Variants in CREB3L2 observed in about 807,000 individuals in gnomAD.
CREB3L2 encodes cAMP responsive element binding protein 3 like 2.
A neutral mutation model predicts 57.2 loss-of-function variants in CREB3L2; 23 were observed. That is an observed-to-expected ratio of 0.40 (90% CI 0.29 to 0.57). CREB3L2 has a LOEUF of 0.57. CREB3L2 is among the 20% of genes least tolerant of loss of function. The probability of loss-of-function intolerance (pLI) is 0.42; values close to 1 mark genes in which losing one functional copy is unlikely to be tolerated. For synonymous variants in CREB3L2, 268 were observed against 265.1 expected (o/e 1.01, Z -0.11); for missense variants, 628 against 634.7 (o/e 0.99, Z 0.11).
rs189747703 is a variant in CREB3L2, at chr7:137,937,085, T to C, written c.103-8719A>G. Reference sequence around the variant, plus strand: ...TCCCCAAGCATTCAATTCCCAGCCCTGCCCTCTGGGAAACAGGGAAGCTTT... The same window carrying C: ...TCCCCAAGCATTCAATTCCCAGCCCCGCCCTCTGGGAAACAGGGAAGCTTT... On this transcript the variant is annotated intron_variant, in intron 1 of 11. Transcript: ENST00000330387. 8.9e-4 allele frequency among the ~76,000 whole-genome samples: 135 copies of C among 152,252 alleles called. 1 individual carries two copies. In the East Asian group the frequency reaches 0.023, roughly 26 times the overall value.
intron 1 of CREB3L2, among the ~76,000 whole-genome samples, chr7:137,973,186 A>G (rs539396154): frequency 6.6e-6 from 1 of 152,222 alleles, no homozygotes; most frequent in South Asian, 2.1e-4. Flanking sequence ...AAAAAAAAAA[A>G]AAAAGAAATA....
intron 1 of CREB3L2, among the ~76,000 whole-genome samples, chr7:137,950,189 C>T (rs956773228): frequency 3.9e-5 from 6 of 152,228 alleles, no homozygotes; most frequent in African/African-American, 7.2e-5. Context: ...TCTTGATCTT[C>T]GATGGTGAAA....
intron 1 of CREB3L2, among the ~76,000 whole-genome samples, chr7:137,969,461 C>G (rs1801466422): frequency 1.3e-5 from 2 of 151,118 alleles, no homozygotes; most frequent in South Asian, 4.2e-4. Flanking sequence ...ATTCTCCTGC[C>G]TCAGCCTCCC....
intron 1 of CREB3L2, among the ~76,000 whole-genome samples, chr7:137,979,454 C>A (rs962048940): frequency 6.6e-6 from 1 of 152,238 alleles, no homozygotes; most frequent in South Asian, 2.1e-4. Flanking sequence ...CGGCCGGGCG[C>A]GGTGGCTCAC....
intron 1 of CREB3L2, among the ~76,000 whole-genome samples, chr7:137,931,185 T>C (rs1258002208): frequency 6.6e-6 from 1 of 151,334 alleles, no homozygotes; most frequent in Non-Finnish European, 1.5e-5. Context: ...TGAACCATGA[T>C]TGTACCATTG....
At chr7:137,937,516 G>A (rs77687777) in intron 1 of CREB3L2, among the ~76,000 whole-genome samples, 5,227 of 152,162 alleles carry the variant, frequency 0.034, 272 homozygotes, top group African/African-American at 0.12. Flanking sequence ...AGGGCCAGAT[G>A]CCAACCATGA....
chr7:137,901,487 G>A (rs140752946), intron 7 of CREB3L2, 65 bp from the exon 8 acceptor site: 174 of 994,282 alleles, frequency 1.8e-4, no homozygotes, highest in Non-Finnish European at 2.6e-4. Flanking sequence ...AGGAGCTAGG[G>A]TGGAGGTAGG....
rs116422417 is a variant in CREB3L2, at chr7:137,972,296, G to A, written c.102+29308C>T. Among the ~76,000 whole-genome samples the A allele has an allele frequency of 6.8e-3, 1,035 of 152,000 alleles. 15 individuals carry two copies. Among genetic ancestry groups the A allele is most frequent in the African/African-American group, 0.024 (987 of 41,454 alleles). ...TCTACTAAAAATACAAAAATTAGCC[G>A]GGAGTAGGGTGCACACCTATAATCC... On this transcript the variant is annotated intron_variant, in intron 1 of 11. Transcript: ENST00000330387.
At chr7:137,985,926 T>C (rs1801785353) in intron 1 of CREB3L2, among the ~76,000 whole-genome samples, 1 of 152,230 alleles carries the variant, frequency 6.6e-6, no homozygotes, top group Non-Finnish European at 1.5e-5. Flanking sequence ...TCAGAGGTCT[T>C]ATTCTATTTA....
chr7:137,898,739 CA>C (rs1271507712), intron 8 of CREB3L2, among the ~76,000 whole-genome samples: 1 of 41,556 alleles, frequency 2.4e-5, no homozygotes, highest in African/African-American at 1.0e-4. Context: ...AAGGACATTA[CA>C]GGTAAACTAA....
At chr7:137,983,190 GC>G (rs371356221) in intron 1 of CREB3L2, among the ~76,000 whole-genome samples, 74 of 152,192 alleles carry the variant, frequency 4.9e-4, no homozygotes, top group Non-Finnish European at 6.9e-4. Context: ...CCTTATTTCT[GC>G]CCCCTCCACC....
chr7:137,976,914 C>T (rs1018712758), intron 1 of CREB3L2, among the ~76,000 whole-genome samples: 16 of 152,360 alleles, frequency 1.1e-4, no homozygotes, highest in African/African-American at 2.9e-4. Context: ...GCTACGCAGA[C>T]GGCAGCCTGC....
intron 1 of CREB3L2, among the ~76,000 whole-genome samples, chr7:137,978,159 C>A (rs552333421): frequency 2.0e-5 from 3 of 152,128 alleles, no homozygotes; most frequent in African/African-American, 4.8e-5. Flanking sequence ...AAATCAGAGA[C>A]CATGGAGCAC....
intron 8 of CREB3L2, among the ~76,000 whole-genome samples, chr7:137,896,639 T>C (rs1799633424): frequency 6.6e-6 from 1 of 152,138 alleles, no homozygotes; most frequent in African/African-American, 2.4e-5. Flanking sequence ...GCTACAATTA[T>C]CTGTGGGAAG....
intron 1 of CREB3L2, among the ~76,000 whole-genome samples, chr7:137,963,982 C>G (rs1008611882): frequency 6.6e-6 from 1 of 152,144 alleles, no homozygotes; most frequent in Non-Finnish European, 1.5e-5. Flanking sequence ...AAATAAATTC[C>G]TAGAAGATCC....
intron 2 of CREB3L2, among the ~76,000 whole-genome samples, chr7:137,920,830 T>C (rs1800259651): frequency 6.6e-6 from 1 of 152,218 alleles, no homozygotes; most frequent in African/African-American, 2.4e-5. Flanking sequence ...AGAAAACAGC[T>C]TTCATTCTGA....
intron 1 of CREB3L2, among the ~76,000 whole-genome samples, chr7:137,991,172 TTTC>T (rs987832270): frequency 6.6e-6 from 1 of 151,986 alleles, no homozygotes; most frequent in African/African-American, 2.4e-5. Flanking sequence ...CTTTTTTTTT[TTTC>T]TTTTTGGGGA....
At chr7:137,975,398 G>C (rs1801588478) in intron 1 of CREB3L2, among the ~76,000 whole-genome samples, 1 of 152,138 alleles carries the variant, frequency 6.6e-6, no homozygotes, top group Non-Finnish European at 1.5e-5. Context: ...CAATCAGTTG[G>C]CTGCAGCTCC....
intron 1 of CREB3L2, among the ~76,000 whole-genome samples, chr7:137,946,856 CTATATAGTTA>C (rs1379245290): frequency 0.025 from 801 of 31,842 alleles, 140 homozygotes; most frequent in African/African-American, 0.1. Context: ...ATATAGTTAT[CTATATAGTTA>C]TATATATAGT....
Sources: allele counts gnomAD v4.1 joint callset (sites outside exome capture counted in the v4.1 genomes callset), GRCh38; gene constraint gnomAD v4.1.1; transcripts MANE v1.5; gene names NCBI Gene and HGNC (gene_info 2026-07-23, HGNC 2026-07-21).